Variants in CRPPA observed in about 807,000 individuals in gnomAD.
The protein encoded by CRPPA is CDP-L-ribitol pyrophosphorylase A.
Under a neutral mutation model 52.0 loss-of-function variants are expected in CRPPA, and 43 were observed. That is an observed-to-expected ratio of 0.83 (90% CI 0.65 to 1.07). The LOEUF (loss-of-function observed/expected upper bound fraction) is 1.07, where lower values mean the gene tolerates loss of function less well. Ranked by LOEUF, CRPPA falls within the 50% of genes least tolerant of loss-of-function variation. CRPPA has a pLI of 0.00. For synonymous variants in CRPPA, 250 were observed against 203.5 expected (o/e 1.23, Z -1.94); for missense variants, 629 against 551.7 (o/e 1.14, Z -1.40).
rs1554352477 is a variant in CRPPA, at chr7:16,387,066, T to TATATATATATATACAC, written c.535-10826_535-10825insGTGTATATATATATAT. ...AAAGATATATATATATATATATATATATATATATATATATATATATACACA... is the reference window on the plus strand; with the variant it reads ...AAAGATATATATATATATATATATATATATATATATATACACATATATATATATATATATATACACA... On this transcript the variant is annotated intron_variant, in intron 2 of 9. Transcript: ENST00000407010. Among the ~76,000 whole-genome samples the TATATATATATATACAC allele has an allele frequency of 1.0e-3, 110 of 109,054 alleles. 2 individuals are homozygous for TATATATATATATACAC. Among genetic ancestry groups the TATATATATATATACAC allele is most frequent in the Admixed American group, 2.0e-3 (22 of 11,224 alleles). The allele number at this position is 109,054 out of a possible 152,430, so 71.5% of individuals were successfully genotyped here. A position where few individuals can be genotyped will look rare whatever the true frequency, so the allele number is the denominator to read the frequency against.
At chr7:16,308,669 G>C in intron 3 of CRPPA, 42 bp from the exon 4 acceptor site, 1 of 1,187,188 alleles carries the variant, frequency 8.4e-7, no homozygotes, top group Non-Finnish European at 1.2e-6. Context: ...GCTAAAATGC[G>C]ATTTTAAGTA....
At chr7:16,320,774 T>A (rs537721921) in intron 3 of CRPPA, among the ~76,000 whole-genome samples, 15 of 152,300 alleles carry the variant, frequency 9.8e-5, no homozygotes, top group African/African-American at 3.6e-4. Flanking sequence ...ATTTTGCATA[T>A]ATTTACATTG....
chr7:16,267,985 G>T (rs1019831942), intron 6 of CRPPA, among the ~76,000 whole-genome samples: 1 of 151,978 alleles, frequency 6.6e-6, no homozygotes, highest in African/African-American at 2.4e-5. Context: ...TTTATGTAAC[G>T]GATTAGAGCA....
At chr7:16,359,397 G>A (rs536582711) in intron 3 of CRPPA, among the ~76,000 whole-genome samples, 3 of 152,322 alleles carry the variant, frequency 2.0e-5, no homozygotes, top group Admixed American at 2.0e-4. Context: ...TTGCTTGGTA[G>A]TCAACAGTTG....
intron 2 of CRPPA, among the ~76,000 whole-genome samples, chr7:16,400,466 C>T (rs117560496): frequency 3.9e-5 from 6 of 152,186 alleles, no homozygotes; most frequent in South Asian, 2.1e-4. Flanking sequence ...GACACATGAC[C>T]GACACCTGAT....
At chr7:16,211,603 C>A (rs1013778496) in intron 9 of CRPPA, among the ~76,000 whole-genome samples, 2 of 152,090 alleles carry the variant, frequency 1.3e-5, no homozygotes, top group African/African-American at 4.8e-5. Flanking sequence ...TTCTGCTAAC[C>A]GACAGCATAC....
chr7:16,133,577 C>T (rs1422911240), intron 9 of CRPPA, among the ~76,000 whole-genome samples: 1 of 124,300 alleles, frequency 8.0e-6, no homozygotes, highest in Non-Finnish European at 1.8e-5. Flanking sequence ...AGCAGTTCAT[C>T]TCTCTAGTAA....
intron 2 of CRPPA, among the ~76,000 whole-genome samples, chr7:16,399,887 C>A (rs181867550): frequency 1.3e-5 from 2 of 152,160 alleles, no homozygotes; most frequent in South Asian, 2.1e-4. Context: ...GACATTGACT[C>A]ATGATCGTTA....
At chr7:16,329,667 T>TA (rs1475074356) in intron 3 of CRPPA, among the ~76,000 whole-genome samples, 1 of 152,188 alleles carries the variant, frequency 6.6e-6, no homozygotes, top group Non-Finnish European at 1.5e-5. Context: ...AAATTGCAGT[T>TA]ACAATACAAA....
At chr7:16,397,597 T>C (rs1038736910) in intron 2 of CRPPA, among the ~76,000 whole-genome samples, 1 of 152,016 alleles carries the variant, frequency 6.6e-6, no homozygotes, top group African/African-American at 2.4e-5. Flanking sequence ...GACAGATTAC[T>C]GACGTGTGAC....
intron 9 of CRPPA, among the ~76,000 whole-genome samples, chr7:16,101,163 C>T (rs1303768775): frequency 1.3e-5 from 2 of 152,126 alleles, no homozygotes; most frequent in Admixed American, 6.6e-5. Context: ...TGATGCTGGC[C>T]TCATAAAATC....
chr7:16,194,192 C>T (rs1215659519), intron 9 of CRPPA, among the ~76,000 whole-genome samples: 2 of 152,062 alleles, frequency 1.3e-5, no homozygotes, highest in East Asian at 3.9e-4. Context: ...GCCTTTTAGT[C>T]CATATTGTGG....
At chr7:16,115,878 G>T (rs1232277063) in intron 9 of CRPPA, among the ~76,000 whole-genome samples, 1 of 152,106 alleles carries the variant, frequency 6.6e-6, no homozygotes, top group East Asian at 1.9e-4. Flanking sequence ...TAGATAGATA[G>T]AAAGGGAAAA....
At chr7:16,317,133 T>C (rs766449677) in intron 3 of CRPPA, among the ~76,000 whole-genome samples, 1 of 152,174 alleles carries the variant, frequency 6.6e-6, no homozygotes, top group Non-Finnish European at 1.5e-5. Context: ...CCATTACCAA[T>C]TGATTAAGAG....
At chr7:16,326,987 G>C (rs1378824745) in intron 3 of CRPPA, among the ~76,000 whole-genome samples, 1 of 152,216 alleles carries the variant, frequency 6.6e-6, no homozygotes, top group African/African-American at 2.4e-5. Flanking sequence ...AGGAGATTGG[G>C]TCTTACCATC....
intron 1 of CRPPA, among the ~76,000 whole-genome samples, chr7:16,415,380 T>G (rs78320175): frequency 1.2e-4 from 18 of 152,320 alleles, no homozygotes; most frequent in African/African-American, 4.1e-4. Context: ...TATCAAAATG[T>G]AGTCTCTCTT....
At chr7:16,372,967 T>C (rs1786785804) in intron 3 of CRPPA, among the ~76,000 whole-genome samples, 1 of 152,160 alleles carries the variant, frequency 6.6e-6, no homozygotes, top group African/African-American at 2.4e-5. Flanking sequence ...TAAGACTTCT[T>C]TGAGGAGGTG....
chr7:16,296,836 G>T (rs904584050), intron 5 of CRPPA, among the ~76,000 whole-genome samples: 1 of 152,158 alleles, frequency 6.6e-6, no homozygotes, highest in Admixed American at 6.6e-5. Flanking sequence ...CACCTGTGAT[G>T]CCAGTAACAA....
chr7:16,210,924 T>A (rs903670620), intron 9 of CRPPA, among the ~76,000 whole-genome samples: 2 of 151,566 alleles, frequency 1.3e-5, no homozygotes, highest in Non-Finnish European at 2.9e-5. Context: ...ATCAGTAGGG[T>A]GACAATAGTT....
Sources: allele counts gnomAD v4.1 joint callset (sites outside exome capture counted in the v4.1 genomes callset), GRCh38; gene constraint gnomAD v4.1.1; transcripts MANE v1.5; gene names NCBI Gene and HGNC (gene_info 2026-07-23, HGNC 2026-07-21).